The following DENND2B variants were observed in gnomAD, a reference collection of about 807,000 sequenced individuals.
DENND2B encodes DENN domain-containing protein 2B.
In DENND2B, 32 loss-of-function variants were observed where a neutral mutation model predicts 116.0. The ratio of observed to expected loss-of-function variants is 0.28; its 90% CI spans 0.21 to 0.37. The LOEUF (loss-of-function observed/expected upper bound fraction) is 0.37. Among genes scored for constraint, DENND2B ranks in the 10% least tolerant of loss-of-function variants. DENND2B has a pLI of 1.00. For missense variants in DENND2B, 1,276 were observed against 1,477.7 expected (o/e 0.86, Z 2.24); for synonymous variants, 588 against 583.9 (o/e 1.01, Z -0.10).
chr11:8,838,197 T>C (rs889904465), intron 4 of DENND2B, among the ~76,000 whole-genome samples: 1 of 152,258 alleles, frequency 6.6e-6, no homozygotes, highest in African/African-American at 2.4e-5. Flanking sequence ...GTTCTCTGCC[T>C]CTTGCCTGTC....
chr11:8,890,803 T>C (rs1329483102), intron 1 of DENND2B, among the ~76,000 whole-genome samples: 1 of 152,188 alleles, frequency 6.6e-6, no homozygotes, highest in Non-Finnish European at 1.5e-5. Flanking sequence ...TGGAACCAAG[T>C]TGGAAAACAC....
chr11:8,823,353 G>A (rs1007057424), intron 4 of DENND2B, among the ~76,000 whole-genome samples: 5 of 152,166 alleles, frequency 3.3e-5, no homozygotes, highest in Non-Finnish European at 5.9e-5. Context: ...GCATCAACCA[G>A]GAAGAGGAGC....
At chr11:8,837,494 C>T (rs1228301899) in intron 4 of DENND2B, among the ~76,000 whole-genome samples, 1 of 151,576 alleles carries the variant, frequency 6.6e-6, no homozygotes, top group Admixed American at 6.6e-5. Flanking sequence ...AATACAGGCG[C>T]CCGCCACCAT....
At chr11:8,739,492 A>G (rs2049801953) in intron 2 of DENND2B, among the ~76,000 whole-genome samples, 1 of 152,272 alleles carries the variant, frequency 6.6e-6, no homozygotes, top group Non-Finnish European at 1.5e-5. Context: ...TCATTCCATA[A>G]AGGTAAAATA....
At position 8,784,383 on chromosome 11, in the gene DENND2B, T is replaced by G. The variant is rs976469542; in HGVS notation, c.-26+26134A>C. On this transcript the variant is annotated intron_variant, in intron 1 of 19. Coordinates refer to ENST00000313726, the MANE Select transcript of DENND2B (RefSeq NM_213618.2). ...TCGAGGCTGCAGTGAGTGGTGACTG[T>G]GCCACTGTACTCCAGCCTTGGCAAT... Among the ~76,000 whole-genome samples the G allele has an allele frequency of 2.7e-5, 4 of 149,398 alleles. No homozygotes were observed. The South Asian group carries it at 8.5e-4, about 32-fold the overall frequency.
chr11:8,850,405 G>C (rs1184703923), intron 3 of DENND2B, among the ~76,000 whole-genome samples: 1 of 151,976 alleles, frequency 6.6e-6, no homozygotes, highest in African/African-American at 2.4e-5. Context: ...ACGTTTTTCA[G>C]AAGAAGATAT....
intron 1 of DENND2B, chr11:8,785,617 C>CA (rs1410883466): frequency 6.6e-6 from 1 of 152,218 alleles, no homozygotes; most frequent in African/African-American, 2.4e-5. Context: ...TGATGGCAGT[C>CA]ATTTCCAGAT....
intron 4 of DENND2B, among the ~76,000 whole-genome samples, chr11:8,719,863 G>C (rs906185544): frequency 1.2e-4 from 19 of 152,286 alleles, no homozygotes; most frequent in African/African-American, 4.6e-4. Context: ...TGATCAGCCA[G>C]GGCCTTTATT....
At chr11:8,810,798 T>TCTCTCTCTCTC (rs1247782848), upstream of DENND2B, 23 of 134,756 alleles carry the variant, frequency 1.7e-4, no homozygotes, top group Non-Finnish European at 2.8e-4. Flanking sequence ...TTTTCTTTCT[T>TCTCTCTCTCTC]TCTCACTGTC....
chr11:8,714,500 G>A (rs1444898830), intron 7 of DENND2B, 110 bp downstream of exon 7: 2 of 911,242 alleles, frequency 2.2e-6, no homozygotes, highest in African/African-American at 3.3e-5. Context: ...TCCCTCCTAC[G>A]TGGCCATTTC....
At chr11:8,782,119 T>A (rs561805506) in intron 1 of DENND2B, among the ~76,000 whole-genome samples, 1 of 152,204 alleles carries the variant, frequency 6.6e-6, no homozygotes, top group Non-Finnish European at 1.5e-5. Context: ...GTGTCTGTAA[T>A]ACACAAAAAT....
chr11:8,843,131 C>T (rs1181506217), intron 3 of DENND2B, among the ~76,000 whole-genome samples: 1 of 152,132 alleles, frequency 6.6e-6, no homozygotes, highest in Non-Finnish European at 1.5e-5. Flanking sequence ...ATTCTCCTGC[C>T]TCAGCCTCCT....
intron 17 of DENND2B, 30 bp downstream of exon 17, chr11:8,697,495 G>A (rs1280318941): frequency 6.4e-7 from 1 of 1,573,006 alleles, no homozygotes; most frequent in East Asian, 2.2e-5. Flanking sequence ...GCCTGGAGCA[G>A]AGCTGACCGT....
At chr11:8,870,265 T>C (rs1200705063) in intron 2 of DENND2B, among the ~76,000 whole-genome samples, 1 of 152,174 alleles carries the variant, frequency 6.6e-6, no homozygotes, top group Non-Finnish European at 1.5e-5. Context: ...GAAAATGCAA[T>C]AAGCCCTCTT....
Position 8,712,796 on chromosome 11 carries a change from C to A in DENND2B, c.1988-61G>T. 6.6e-7 allele frequency: 1 copy of A among 1,523,138 alleles called. No individual in the cohort carries two copies. Among genetic ancestry groups the A allele is most frequent in the East Asian group, 2.3e-5 (1 of 43,642 alleles). The allele number at this position is 1,523,138 out of a possible 1,614,324, so 94.4% of individuals were successfully genotyped here. A position where few individuals can be genotyped will look rare whatever the true frequency, so the allele number is the denominator to read the frequency against. ...ACAGGCCTCATGTTAACTCCTCTAC[C>A]CCTGGCTCAGGGCTCCATTGCTGTG... On this transcript the variant is annotated intron_variant, in intron 8 of 19. Transcript: ENST00000313726. This position sits in a 1 kb window ranked among gnomAD's most constrained non-coding sequence, Gnocchi z 4.4.
intron 3 of DENND2B, among the ~76,000 whole-genome samples, chr11:8,728,845 C>A (rs559898468): frequency 4.6e-5 from 7 of 152,318 alleles, no homozygotes; most frequent in Admixed American, 1.3e-4. Context: ...TCCTCTTGAC[C>A]AGCACAATCT....
chr11:8,769,313 C>T (rs2056454925), intron 1 of DENND2B, among the ~76,000 whole-genome samples: 2 of 151,804 alleles, frequency 1.3e-5, no homozygotes, highest in Admixed American at 1.3e-4. Flanking sequence ...TCTCAGCTCC[C>T]CGCAACCTCT....
In DENND2B at chr11:8,715,617, G is replaced by T. The variant is rs371806921; in HGVS notation, c.1831C>A (p.Arg611Ser). ...GGGGAGGGTACCTTGGGAATGCGGC[G>T]GGCCCGGCGGCTGGACAGCAGCTCG... ...TSELLSSRRA[R>S]RIPKLVQRIN... is the part of the protein sequence containing the mutation. The change falls in exon 6 of 20, where the codon CGC becomes AGC. Residue 611 changes from arginine (R) to serine (S), a missense_variant. This residue lies in a region of DENND2B where 856 missense variants were observed against 846.6 expected (regional missense o/e 1.01). Transcript: ENST00000313726. 6 of 1,612,090 alleles carry T rather than the reference G, an allele frequency of 3.7e-6. No homozygotes were observed. In the African/African-American group the frequency reaches 6.7e-5, roughly 18 times the overall value.
At position 8,904,793 on chromosome 11, in the gene DENND2B, A is replaced by G. The variant is rs2064214629; in HGVS notation, c.-256+6028T>C. On this transcript the variant is annotated intron_variant, in intron 1 of 22. Transcript: ENST00000534127. ...AGTAATAATTTCATCTGAAAATGAAATTGAGAAAACAATTTCATTCACAAC... is the reference window on the plus strand; with the variant it reads ...AGTAATAATTTCATCTGAAAATGAAGTTGAGAAAACAATTTCATTCACAAC... Among the ~76,000 whole-genome samples, 5 of 152,202 alleles carry G rather than the reference A, an allele frequency of 3.3e-5. No individual in the cohort carries two copies. In the South Asian group the frequency reaches 8.3e-4, roughly 25 times the overall value.
Sources: gnomAD v4.1 joint callset for allele counts (sites outside exome capture counted in the v4.1 genomes callset) on GRCh38, gnomAD v4.1.1 for gene constraint, gnomAD v4.1.1 regional missense constraint, Gnocchi (gnomAD v3.1) non-coding constraint, MANE v1.5 for transcripts, NCBI Gene and HGNC (gene_info 2026-07-23, HGNC 2026-07-21) for gene names.